The following TRIM5 variants were observed in gnomAD, a reference collection of about 807,000 sequenced individuals.
The protein encoded by TRIM5 is tripartite motif-containing protein 5.
In TRIM5, 31 loss-of-function variants were observed where a neutral mutation model predicts 35.6. The observed-to-expected ratio is 0.87, with a 90% confidence interval of 0.65 to 1.18. The LOEUF (loss-of-function observed/expected upper bound fraction) is 1.18. Ranked by LOEUF, TRIM5 falls within the 50% of genes most tolerant of loss-of-function variation. TRIM5 has a pLI of 0.00. For missense variants in TRIM5, 609 were observed against 591.6 expected (o/e 1.03, Z -0.31); for synonymous variants, 243 against 215.6 (o/e 1.13, Z -1.11).
the TRIM5 span, chr11:5,604,925 T>C: frequency 6.9e-6 from 3 of 436,168 alleles, no homozygotes; most frequent in Non-Finnish European, 1.2e-5. Context: ...GGCTTTTCCC[T>C]TGCATTCAGA....
At chr11:5,626,130 G>A in the TRIM5 span, among the ~76,000 whole-genome samples, 4 of 152,180 alleles carry the variant, frequency 2.6e-5, no homozygotes, top group Admixed American at 6.5e-5. Context: ...ATCCATGTCT[G>A]CCTACATACT....
chr11:5,640,590 A>G, the TRIM5 span, among the ~76,000 whole-genome samples: 2 of 152,018 alleles, frequency 1.3e-5, no homozygotes, highest in African/African-American at 2.4e-5. Flanking sequence ...ATATTGGTCT[A>G]TGGTTTTCTT....
rs1401715275 is a variant in TRIM5 at position 5,685,004 on chromosome 11, G to C, written c.-198C>G. On this transcript the variant is annotated 5_prime_UTR_variant, in exon 1 of 8. Transcript: ENST00000380034. Reference sequence around the variant, plus strand: ...AGACAGGCCAGGGAAGACGTGGTTAGGATTCACTCACCAATCCACGGGCCT... The same window carrying C: ...AGACAGGCCAGGGAAGACGTGGTTACGATTCACTCACCAATCCACGGGCCT... 1 of 152,226 alleles carries C rather than the reference G, an allele frequency of 6.6e-6. No individual in the cohort carries two copies. The highest frequency in any genetic ancestry group is 2.4e-5 in the African/African-American group (1 of 41,442). The allele number at this position is 152,226 out of a possible 1,614,324, so 9.4% of individuals were successfully genotyped here. A position where few individuals can be genotyped will look rare whatever the true frequency, so the allele number is the denominator to read the frequency against.
At chr11:5,592,599 G>A in the TRIM5 span, among the ~76,000 whole-genome samples, 1 of 151,990 alleles carries the variant, frequency 6.6e-6, no homozygotes, top group African/African-American at 2.4e-5. Context: ...TAAAAAGAAG[G>A]AAGGAAGAAA....
chr11:5,607,107 G>T, the TRIM5 span, among the ~76,000 whole-genome samples: 1 of 152,296 alleles, frequency 6.6e-6, no homozygotes, highest in Non-Finnish European at 1.5e-5. Flanking sequence ...GGGAGGCTGA[G>T]GCAGGAGAAT....
intron 4 of TRIM5, chr11:5,669,951 G>T (rs778752049): frequency 5.8e-6 from 1 of 173,156 alleles, no homozygotes; most frequent in African/African-American, 2.4e-5. Context: ...CTCCAGCCTG[G>T]GCAACAGAGC....
At chr11:5,684,614 AAG>A (rs1055689904) in intron 1 of TRIM5, among the ~76,000 whole-genome samples, 4 of 152,192 alleles carry the variant, frequency 2.6e-5, no homozygotes, top group Non-Finnish European at 4.4e-5. Context: ...AAGACACTGA[AAG>A]AGAGAATTCT....
At chr11:5,622,938 A>C in the TRIM5 span, among the ~76,000 whole-genome samples, 1 of 152,224 alleles carries the variant, frequency 6.6e-6, no homozygotes, top group African/African-American at 2.4e-5. Flanking sequence ...GTGAGACATC[A>C]ATCAATATAT....
the TRIM5 span, among the ~76,000 whole-genome samples, chr11:5,591,420 G>A: frequency 2.3e-4 from 35 of 152,094 alleles, no homozygotes; most frequent in Non-Finnish European, 3.2e-4. Context: ...AGGCCGAGGC[G>A]GGCAGATCAC....
At chr11:5,680,616 C>T (rs530688157) in intron 1 of TRIM5, among the ~76,000 whole-genome samples, 52 of 152,318 alleles carry the variant, frequency 3.4e-4, no homozygotes, top group African/African-American at 1.2e-3. Flanking sequence ...CAGCTTATGC[C>T]TCAGGGCTTT....
At chr11:5,610,469 G>A in the TRIM5 span, 2 of 1,612,778 alleles carry the variant, frequency 1.2e-6, no homozygotes, top group Non-Finnish European at 1.7e-6. Flanking sequence ...ATGTAGTAAG[G>A]AGAGAGATAC....
chr11:5,601,478 C>T, the TRIM5 span, among the ~76,000 whole-genome samples: 1 of 152,226 alleles, frequency 6.6e-6, no homozygotes, highest in African/African-American at 2.4e-5. Flanking sequence ...CCTCCCCAGG[C>T]TGGGCGCAGT....
At chr11:5,611,205 G>C in the TRIM5 span, 3 of 1,614,076 alleles carry the variant, frequency 1.9e-6, no homozygotes, top group African/African-American at 4.0e-5. Flanking sequence ...GGCTGGTACT[G>C]TCTCCTTTTA....
chr11:5,639,845 T>A, the TRIM5 span, among the ~76,000 whole-genome samples: 2 of 152,114 alleles, frequency 1.3e-5, 1 homozygote, highest in African/African-American at 4.8e-5. Flanking sequence ...TAGTTTTTAT[T>A]GGTACTTAAT....
At chr11:5,629,868 T>C in the TRIM5 span, among the ~76,000 whole-genome samples, 3 of 152,106 alleles carry the variant, frequency 2.0e-5, no homozygotes, top group Non-Finnish European at 4.4e-5. Context: ...CCGCCACCCC[T>C]GGCTAATTTT....
the TRIM5 span, among the ~76,000 whole-genome samples, chr11:5,599,444 C>T: frequency 2.0e-5 from 3 of 149,606 alleles, no homozygotes; most frequent in Admixed American, 6.8e-5. Flanking sequence ...CGCTCTGTCG[C>T]CCAGGCTGGA....
At chr11:5,608,238 T>C in the TRIM5 span, 1 of 1,355,096 alleles carries the variant, frequency 7.4e-7, no homozygotes, top group Non-Finnish European at 9.9e-7. Context: ...CTGAGTTTTT[T>C]CTCTACTTTG....
At chr11:5,674,891 T>C (rs1388828343) in intron 4 of TRIM5, among the ~76,000 whole-genome samples, 1 of 152,118 alleles carries the variant, frequency 6.6e-6, no homozygotes, top group South Asian at 2.1e-4. Context: ...GGAGCTGGGG[T>C]GTAGGGAGAG....
the TRIM5 span, chr11:5,634,962 GCAGT>G: frequency 4.0e-4 from 519 of 1,297,842 alleles, 3 homozygotes; most frequent in African/African-American, 6.4e-3. Flanking sequence ...CTTTGGCCTT[GCAGT>G]GCCGCCTTGT....
Sources: allele counts gnomAD v4.1 joint callset (sites outside exome capture counted in the v4.1 genomes callset), GRCh38; gene constraint gnomAD v4.1.1; transcripts MANE v1.5; gene names NCBI Gene and HGNC (gene_info 2026-07-23, HGNC 2026-07-21).